The following TUSC3 variants were observed in gnomAD, a reference collection of about 807,000 sequenced individuals.
TUSC3 encodes dolichyl-diphosphooligosaccharide--protein glycosyltransferase subunit TUSC3.
Under a neutral mutation model 44.8 loss-of-function variants are expected in TUSC3, and 45 were observed. The observed-to-expected ratio is 1.00, with a 90% CI of 0.79 to 1.29. TUSC3 has a LOEUF of 1.29. TUSC3 is among the 50% of genes most tolerant of loss of function. TUSC3 has a pLI of 0.00. For synonymous variants in TUSC3, 212 were observed against 152.9 expected (o/e 1.39, Z -2.85); for missense variants, 519 against 437.9 (o/e 1.19, Z -1.65).
At chr8:15,574,628 G>A (rs1425303910) in intron 1 of TUSC3, among the ~76,000 whole-genome samples, 3 of 152,098 alleles carry the variant, frequency 2.0e-5, no homozygotes, top group East Asian at 3.9e-4. Flanking sequence ...TCTGATAACT[G>A]TCTCACAAAG....
chr8:15,646,119 G>T (rs938273283), intron 2 of TUSC3, among the ~76,000 whole-genome samples: 1 of 152,110 alleles, frequency 6.6e-6, no homozygotes. Flanking sequence ...TTCTGTTTCA[G>T]ACATTTCCAT....
Position 15,599,259 on chromosome 8 carries a change from C to A in TUSC3, c.139-23821C>A, listed in dbSNP as rs1006399588. Among the ~76,000 whole-genome samples, 6 of 151,624 alleles carry A rather than the reference C, an allele frequency of 4.0e-5. No individual in the cohort carries two copies. In the East Asian group the frequency reaches 1.2e-3, roughly 29 times the overall value. ...TGAGATGTCTCTTAAGGTCTTTGGC[C>A]CATTTTAAAATTGGGTTGTTTTGTT... On this transcript the variant is annotated intron_variant, in intron 1 of 10. Coordinates refer to ENST00000503731, the MANE Select transcript of TUSC3 (RefSeq NM_006765.4).
At chr8:15,426,578 T>A (rs1418586624) in intron 1 of TUSC3, among the ~76,000 whole-genome samples, 1 of 152,212 alleles carries the variant, frequency 6.6e-6, no homozygotes, top group Non-Finnish European at 1.5e-5. Flanking sequence ...ACAGGATTTC[T>A]TTCTTTTTCA....
chr8:15,704,672 A>G (rs1179096861), intron 6 of TUSC3, among the ~76,000 whole-genome samples: 4 of 151,838 alleles, frequency 2.6e-5, no homozygotes, highest in African/African-American at 9.7e-5. Flanking sequence ...TTCCTAACCC[A>G]CTGCCCCTGT....
At chr8:15,461,344 C>T (rs553348201) in intron 1 of TUSC3, among the ~76,000 whole-genome samples, 1 of 152,108 alleles carries the variant, frequency 6.6e-6, no homozygotes, top group Admixed American at 6.5e-5. Flanking sequence ...TGCTTGGTCA[C>T]TGTTGGTGTA....
the TUSC3 span, among the ~76,000 whole-genome samples, chr8:15,788,044 C>G: frequency 6.6e-6 from 1 of 152,158 alleles, no homozygotes; most frequent in African/African-American, 2.4e-5. Context: ...CCTGAATGGT[C>G]TGACCTGCCC....
At chr8:15,606,888 C>A (rs80343502) in intron 1 of TUSC3, among the ~76,000 whole-genome samples, 3,572 of 151,826 alleles carry the variant, frequency 0.024, 152 homozygotes, top group African/African-American at 0.081. Flanking sequence ...TTTTAACTTA[C>A]GTTTTCCAGT....
the TUSC3 span, among the ~76,000 whole-genome samples, chr8:15,834,182 G>A: frequency 2.6e-5 from 4 of 151,988 alleles, no homozygotes; most frequent in African/African-American, 4.8e-5. Context: ...TCTTGTCAGA[G>A]CACATTACAT....
At chr8:15,541,796 A>T (rs1801700967) in intron 1 of TUSC3, among the ~76,000 whole-genome samples, 1 of 139,200 alleles carries the variant, frequency 7.2e-6, no homozygotes, top group Non-Finnish European at 1.7e-5. Context: ...AGAGTTTTAG[A>T]TTTAGGAGTT....
rs566446692 is a variant in TUSC3 at position 15,437,372 on chromosome 8, CTAA to C, written n.91+20069_91+20071del. Among the ~76,000 whole-genome samples, 61 of 152,232 alleles carry C rather than the reference CTAA, an allele frequency of 4.0e-4. 1 individual carries two copies. The highest frequency in any genetic ancestry group is 1.4e-3 in the African/African-American group (58 of 41,546). ...CATTTCTAAGCAGCTTTTATTTTTC[CTAA>C]TGTTTCTGAAATGTTTCTTAATTTT... is the stretch of plus-strand genomic sequence containing the variant. On this transcript the variant is annotated intron_variant and non_coding_transcript_variant, in intron 1 of 5. Transcript: ENST00000503191.
chr8:15,846,877 G>GAA, the TUSC3 span, among the ~76,000 whole-genome samples: 13,510 of 135,250 alleles, frequency 0.1, 712 homozygotes, highest in East Asian at 0.23. Flanking sequence ...ATGATAATTT[G>GAA]AAAAAAAAAA....
chr8:15,767,649 T>G (rs1340323472), downstream of TUSC3, among the ~76,000 whole-genome samples: 1 of 152,124 alleles, frequency 6.6e-6, no homozygotes, highest in East Asian at 1.9e-4. Flanking sequence ...TTATGTGGGT[T>G]CCTGGCTTTG....
At chr8:15,439,783 A>G (rs767543659) in intron 1 of TUSC3, among the ~76,000 whole-genome samples, 21 of 152,152 alleles carry the variant, frequency 1.4e-4, no homozygotes, top group Non-Finnish European at 2.9e-4. Flanking sequence ...ATCCTTCTAT[A>G]TAGTCTTTAT....
intron 6 of TUSC3, among the ~76,000 whole-genome samples, chr8:15,689,897 T>C (rs1402647208): frequency 6.6e-6 from 1 of 151,738 alleles, no homozygotes; most frequent in African/African-American, 2.4e-5. Flanking sequence ...CCACATTTTC[T>C]ATATCTGTTC....
chr8:15,695,443 G>A (rs1004510325), intron 6 of TUSC3, among the ~76,000 whole-genome samples: 4 of 152,284 alleles, frequency 2.6e-5, no homozygotes, highest in African/African-American at 7.2e-5. Context: ...ACATGGAACT[G>A]TAAGTCCATT....
At chr8:15,612,574 A>G (rs1436978692) in intron 1 of TUSC3, among the ~76,000 whole-genome samples, 2 of 152,188 alleles carry the variant, frequency 1.3e-5, no homozygotes, top group Non-Finnish European at 2.9e-5. Context: ...TATTATACTG[A>G]GTTGCTATAA....
At chr8:15,779,052 A>C in the TUSC3 span, among the ~76,000 whole-genome samples, 1 of 151,462 alleles carries the variant, frequency 6.6e-6, no homozygotes, top group Non-Finnish European at 1.5e-5. Context: ...TTACGTTCAC[A>C]TACATCCTGG....
At chr8:15,613,835 A>T (rs1804868826) in intron 1 of TUSC3, among the ~76,000 whole-genome samples, 1 of 152,102 alleles carries the variant, frequency 6.6e-6, no homozygotes, top group South Asian at 2.1e-4. Flanking sequence ...TTCATTCTTC[A>T]CTGGGAATAG....
intron 1 of TUSC3, among the ~76,000 whole-genome samples, chr8:15,596,983 A>G (rs571403152): frequency 1.1e-4 from 16 of 152,172 alleles, no homozygotes; most frequent in Non-Finnish European, 2.2e-4. Context: ...AGGTAGCACC[A>G]GTTGAAAGTT....
Sources: gnomAD v4.1 joint callset for allele counts (sites outside exome capture counted in the v4.1 genomes callset) on GRCh38, gnomAD v4.1.1 for gene constraint, MANE v1.5 for transcripts, NCBI Gene and HGNC (gene_info 2026-07-23, HGNC 2026-07-21) for gene names.